The following CNTNAP2 variants were observed in gnomAD, a reference collection of about 807,000 sequenced individuals.
CNTNAP2 encodes contactin associated protein 2, also known as contactin-associated protein-like 2.
A neutral mutation model predicts 155.2 loss-of-function variants in CNTNAP2; 98 were observed. The observed-to-expected ratio is 0.63, with a 90% CI of 0.54 to 0.75. CNTNAP2 has a LOEUF of 0.75. CNTNAP2 is among the 30% of genes least tolerant of loss of function. The probability of loss-of-function intolerance (pLI) is 0.00; values close to 1 mark genes in which losing one functional copy is unlikely to be tolerated. For synonymous variants in CNTNAP2, 651 were observed against 631.2 expected (o/e 1.03, Z -0.47); for missense variants, 1,727 against 1,688.1 (o/e 1.02, Z -0.40).
chr7:146,906,953 T>C (rs551005242), intron 3 of CNTNAP2, among the ~76,000 whole-genome samples: 2 of 147,090 alleles, frequency 1.4e-5, no homozygotes, highest in African/African-American at 5.0e-5. Flanking sequence ...AGAGAAGTGC[T>C]TAAAGGAGCT....
intron 1 of CNTNAP2, among the ~76,000 whole-genome samples, chr7:146,583,595 G>T (rs564694680): frequency 1.3e-5 from 2 of 152,046 alleles, no homozygotes; most frequent in Admixed American, 1.3e-4. Flanking sequence ...ACAAGAGATC[G>T]CTTATAAAAT....
chr7:147,147,426 C>T (rs924366928), intron 8 of CNTNAP2, among the ~76,000 whole-genome samples: 1 of 152,094 alleles, frequency 6.6e-6, no homozygotes, highest in Non-Finnish European at 1.5e-5. Flanking sequence ...CAACTACTTA[C>T]ACAAAAAACC....
chr7:148,096,801 A>G (rs1390837311), intron 15 of CNTNAP2, among the ~76,000 whole-genome samples: 1 of 152,200 alleles, frequency 6.6e-6, no homozygotes, highest in African/African-American at 2.4e-5. Flanking sequence ...AACCTTGCCC[A>G]AGGCCCTGTC....
chr7:146,394,898 C>T (rs1368624113), intron 1 of CNTNAP2, among the ~76,000 whole-genome samples: 2 of 152,124 alleles, frequency 1.3e-5, no homozygotes, highest in Non-Finnish European at 1.5e-5. Flanking sequence ...CACCCCCTCC[C>T]ACCTGTTTGC....
chr7:146,848,880 C>T (rs1585120875), intron 3 of CNTNAP2, among the ~76,000 whole-genome samples: 1 of 152,160 alleles, frequency 6.6e-6, no homozygotes, highest in Non-Finnish European at 1.5e-5. Context: ...TCAAGGGATT[C>T]TCCTGCTTCA....
At chr7:148,080,423 G>T (rs1803572819) in intron 15 of CNTNAP2, among the ~76,000 whole-genome samples, 1 of 151,872 alleles carries the variant, frequency 6.6e-6, no homozygotes, top group African/African-American at 2.4e-5. Context: ...GGCTAACACG[G>T]TGAAGCCCCA....
intron 9 of CNTNAP2, among the ~76,000 whole-genome samples, chr7:147,348,004 C>T (rs1033173453): frequency 1.3e-5 from 2 of 151,814 alleles, no homozygotes; most frequent in African/African-American, 2.4e-5. Context: ...ACTAGACCCC[C>T]ACCTCACACA....
intron 1 of CNTNAP2, among the ~76,000 whole-genome samples, chr7:146,606,677 C>G (rs998632921): frequency 1.3e-5 from 2 of 152,120 alleles, no homozygotes; most frequent in African/African-American, 4.8e-5. Flanking sequence ...CTTGACAAAA[C>G]CCACTTATTT....
intron 8 of CNTNAP2, among the ~76,000 whole-genome samples, chr7:147,277,326 C>T (rs549978440): frequency 5.1e-4 from 77 of 151,904 alleles, no homozygotes; most frequent in African/African-American, 1.8e-3. Flanking sequence ...CATAATGAGC[C>T]TTTGATGAAT....
chr7:148,415,823 C>T lies in CNTNAP2; in HGVS notation c.*207C>T. 1 of 622,316 alleles carries T rather than the reference C, an allele frequency of 1.6e-6. No individual in the cohort carries two copies. The highest frequency in any genetic ancestry group is 2.8e-6 in the Non-Finnish European group (1 of 361,018). 38.5% of individuals were successfully genotyped at this position (622,316 alleles called of 1,614,324 possible). A position where few individuals can be genotyped will look rare whatever the true frequency, so the allele number is the denominator to read the frequency against. ...TAATATTTCTTTATAGCTGAGTTTTCCCTTCTGTATCAAAACAAAATAATA... is the reference window on the plus strand; with the variant it reads ...TAATATTTCTTTATAGCTGAGTTTTTCCTTCTGTATCAAAACAAAATAATA... On this transcript the variant is annotated 3_prime_UTR_variant, in exon 24 of 24. Transcript: ENST00000361727.
chr7:148,312,411 TG>T (rs1023937742), intron 21 of CNTNAP2, among the ~76,000 whole-genome samples: 33 of 152,198 alleles, frequency 2.2e-4, no homozygotes, highest in African/African-American at 8.0e-4. Context: ...GAGCTGTCTG[TG>T]AAGCCTTGCG....
At chr7:146,907,765 A>G (rs1796170531) in intron 3 of CNTNAP2, among the ~76,000 whole-genome samples, 1 of 151,198 alleles carries the variant, frequency 6.6e-6, no homozygotes, top group Non-Finnish European at 1.5e-5. Context: ...TCACCAGCTA[A>G]CATCATAATG....
At chr7:147,892,480 T>C (rs1799710067) in intron 13 of CNTNAP2, among the ~76,000 whole-genome samples, 1 of 152,184 alleles carries the variant, frequency 6.6e-6, no homozygotes, top group African/African-American at 2.4e-5. Context: ...TACTGAAGGG[T>C]CCTGCAGTGC....
At chr7:146,740,505 A>G (rs1801694312) in intron 1 of CNTNAP2, among the ~76,000 whole-genome samples, 2 of 152,058 alleles carry the variant, frequency 1.3e-5, no homozygotes, top group African/African-American at 4.8e-5. Flanking sequence ...CATGATTCTC[A>G]TTGTTCTGAT....
chr7:146,298,717 C>G (rs1319402734), intron 1 of CNTNAP2, among the ~76,000 whole-genome samples: 1 of 152,216 alleles, frequency 6.6e-6, no homozygotes, highest in Non-Finnish European at 1.5e-5. Flanking sequence ...ATGTTCAACA[C>G]TGGAGAAAGT....
chr7:147,709,161 C>A (rs1283326091), intron 13 of CNTNAP2, among the ~76,000 whole-genome samples: 1 of 152,132 alleles, frequency 6.6e-6, no homozygotes, highest in Non-Finnish European at 1.5e-5. Flanking sequence ...CAGTGATCTC[C>A]AGGCAATGGC....
At chr7:148,406,279 A>C (rs1028138340) in intron 22 of CNTNAP2, among the ~76,000 whole-genome samples, 44 of 152,090 alleles carry the variant, frequency 2.9e-4, no homozygotes, top group Non-Finnish European at 5.0e-4. Context: ...GGGATAAGGG[A>C]AGACAAAGAA....
rs528384100 is a variant in CNTNAP2 at position 147,975,130 on chromosome 7, AT to A, written c.2256-2726del. Among the ~76,000 whole-genome samples the A allele has an allele frequency of 2.1e-5, 3 of 141,222 alleles. No individual in the cohort carries two copies. In the East Asian group the frequency reaches 6.9e-4, roughly 32 times the overall value. 92.6% of individuals were successfully genotyped at this position (141,222 alleles called of 152,430 possible). ...ACAATTTTTTTGTATTATGTATAATATTTTTTGTATTATATATACTATTTTT... is the reference window on the plus strand; with the variant it reads ...ACAATTTTTTTGTATTATGTATAATATTTTTGTATTATATATACTATTTTT... On this transcript the variant is annotated intron_variant, in intron 14 of 23. Transcript: ENST00000361727.
At chr7:147,849,180 A>C (rs1798876063) in intron 13 of CNTNAP2, among the ~76,000 whole-genome samples, 1 of 152,234 alleles carries the variant, frequency 6.6e-6, no homozygotes, top group Admixed American at 6.5e-5. Flanking sequence ...CCATTAGCAT[A>C]ATATAGTAAT....
Sources: allele counts gnomAD v4.1 joint callset (sites outside exome capture counted in the v4.1 genomes callset), GRCh38; gene constraint gnomAD v4.1.1; transcripts MANE v1.5; gene names NCBI Gene and HGNC (gene_info 2026-07-23, HGNC 2026-07-21).